Variants in TMCO6 observed in about 807,000 individuals in gnomAD.
TMCO6 encodes the protein transmembrane and coiled-coil domain-containing protein 6.
A neutral mutation model predicts 61.8 loss-of-function variants in TMCO6; 47 were observed. The observed-to-expected ratio is 0.76, with a 90% CI of 0.60 to 0.97. TMCO6 has a LOEUF of 0.97. Among genes scored for constraint, TMCO6 ranks in the 50% least tolerant of loss-of-function variants. The probability of loss-of-function intolerance (pLI) is 0.00; values close to 1 mark genes in which losing one functional copy is unlikely to be tolerated. For synonymous variants in TMCO6, 261 were observed against 254.2 expected, an observed-to-expected ratio of 1.03 and a Z score of -0.25; for missense variants, 557 against 601.6, an observed-to-expected ratio of 0.93 and a Z score of 0.78.
At chr5:140,623,276 A>G in the TMCO6 span, among the ~76,000 whole-genome samples, 4 of 152,354 alleles carry the variant, frequency 2.6e-5, no homozygotes, top group East Asian at 7.7e-4. Flanking sequence ...AAGTCACTAG[A>G]CAGATAAACT....
At chr5:140,634,455 C>T (rs907561962), upstream of TMCO6, among the ~76,000 whole-genome samples, 2 of 151,472 alleles carry the variant, frequency 1.3e-5, no homozygotes, top group Non-Finnish European at 1.5e-5. Flanking sequence ...CATCCCTAGA[C>T]CTCTGGGGAA....
At chr5:140,632,624 T>C in the TMCO6 span, 1 of 1,613,830 alleles carries the variant, frequency 6.2e-7, no homozygotes, top group Non-Finnish European at 8.5e-7. This position sits in a 1 kb window ranked among gnomAD's most constrained non-coding sequence, Gnocchi z 6.2. Flanking sequence ...CGAGCGTCAG[T>C]TCCTTGAGGC....
At chr5:140,618,557 T>A in the TMCO6 span, among the ~76,000 whole-genome samples, 1 of 152,090 alleles carries the variant, frequency 6.6e-6, no homozygotes, top group Non-Finnish European at 1.5e-5. Flanking sequence ...GGTAAACAAG[T>A]GTCATGGGGG....
the TMCO6 span, among the ~76,000 whole-genome samples, chr5:140,610,151 C>A: frequency 7.1e-6 from 1 of 141,732 alleles, no homozygotes; most frequent in Non-Finnish European, 1.5e-5. Context: ...GAGTTTGAGA[C>A]CAGCCTGGGC....
intron 6 of TMCO6, 37 bp downstream of exon 6, chr5:140,642,708 G>T: frequency 6.2e-7 from 1 of 1,607,464 alleles, no homozygotes; most frequent in South Asian, 1.1e-5. Flanking sequence ...AGCCAGAGGT[G>T]ACCCACTCAG....
chr5:140,632,362 C>T, the TMCO6 span: 2 of 1,614,146 alleles, frequency 1.2e-6, no homozygotes, highest in Non-Finnish European at 1.7e-6. The surrounding 1 kb of genome is among the most constrained non-coding windows in gnomAD (Gnocchi z 6.2). Flanking sequence ...CCGCGTTCGC[C>T]CAGTCCAGGA....
the TMCO6 span, among the ~76,000 whole-genome samples, chr5:140,610,293 G>A: frequency 6.6e-6 from 1 of 151,586 alleles, no homozygotes; most frequent in Admixed American, 6.6e-5. Flanking sequence ...GGAGATGGAG[G>A]TTGCAGTGAG....
the TMCO6 span, among the ~76,000 whole-genome samples, chr5:140,612,182 G>A: frequency 3.3e-5 from 5 of 152,158 alleles, no homozygotes; most frequent in African/African-American, 1.2e-4. Flanking sequence ...TCAGCATAAA[G>A]TCTGTCACAT....
In TMCO6 at chr5:140,643,919, A is replaced by G; in HGVS notation, c.1058A>G (p.Gln353Arg). 1.2e-6 allele frequency: 2 copies of G among 1,614,230 alleles called. No individual in the cohort carries two copies. Among genetic ancestry groups the G allele is most frequent in the Non-Finnish European group, 1.7e-6 (2 of 1,180,036 alleles). Residue 353 changes from glutamine to arginine, a missense_variant, in exon 9 of 12, where the codon CAG becomes CGG. Physicochemically the swap from Gln to Arg is conservative, Grantham distance 43. Transcript: ENST00000394671. The part of the protein sequence containing the change: ...FILLQFFFQK[Q>R]PSLLPEGLWL... ...CTTCTGCAGTTCTTTTTCCAGAAACAGCCCAGTCTGCTCCCTGAGGGCCTT... is the reference window on the plus strand; with the variant it reads ...CTTCTGCAGTTCTTTTTCCAGAAACGGCCCAGTCTGCTCCCTGAGGGCCTT...
the TMCO6 span, among the ~76,000 whole-genome samples, chr5:140,615,811 A>G: frequency 6.6e-6 from 1 of 152,238 alleles, no homozygotes; most frequent in Non-Finnish European, 1.5e-5. Flanking sequence ...TCAAATTGCT[A>G]TAAGAGCAAA....
chr5:140,605,402 A>G, the TMCO6 span, among the ~76,000 whole-genome samples: 1 of 152,120 alleles, frequency 6.6e-6, no homozygotes, highest in Non-Finnish European at 1.5e-5. Context: ...TCTTTAGGCC[A>G]GGTGTGGTGG....
chr5:140,632,598 G>A, the TMCO6 span: 1 of 1,613,986 alleles, frequency 6.2e-7, no homozygotes, highest in South Asian at 1.1e-5. This position sits in a 1 kb window ranked among gnomAD's most constrained non-coding sequence, Gnocchi z 6.2. Flanking sequence ...CATGGTGCCG[G>A]TTATCTTTAG....
the TMCO6 span, among the ~76,000 whole-genome samples, chr5:140,599,524 T>C: frequency 3.3e-5 from 5 of 152,238 alleles, no homozygotes; most frequent in Admixed American, 6.5e-5. Flanking sequence ...CCAAACAAGA[T>C]GCTGCACATT....
At chr5:140,605,362 C>A in the TMCO6 span, among the ~76,000 whole-genome samples, 1 of 151,878 alleles carries the variant, frequency 6.6e-6, no homozygotes, top group Non-Finnish European at 1.5e-5. Flanking sequence ...ACTTCTGGTA[C>A]GGTAGTAAAT....
the TMCO6 span, chr5:140,609,244 C>T: frequency 3.7e-5 from 6 of 163,586 alleles, no homozygotes; most frequent in South Asian, 3.0e-4. Flanking sequence ...TTGCCCCAAA[C>T]GAGCGGCATG....
the TMCO6 span, among the ~76,000 whole-genome samples, chr5:140,625,905 C>G: frequency 6.6e-6 from 1 of 152,106 alleles, no homozygotes. Flanking sequence ...GAGTTGCTGA[C>G]CATGTCTCCC....
chr5:140,632,603 C>A, the TMCO6 span: 1 of 1,613,848 alleles, frequency 6.2e-7, no homozygotes, highest in Admixed American at 1.7e-5. The surrounding 1 kb of genome is among the most constrained non-coding windows in gnomAD (Gnocchi z 6.2). Context: ...TGCCGGTTAT[C>A]TTTAGGTCCT....
the TMCO6 span, among the ~76,000 whole-genome samples, chr5:140,607,298 C>T: frequency 2.0e-5 from 3 of 152,138 alleles, no homozygotes; most frequent in Non-Finnish European, 2.9e-5. Flanking sequence ...ACAATATTTG[C>T]CTTTTTGTGT....
chr5:140,622,096 C>T, the TMCO6 span, among the ~76,000 whole-genome samples: 1 of 152,134 alleles, frequency 6.6e-6, no homozygotes, highest in Non-Finnish European at 1.5e-5. Context: ...CACACCTATT[C>T]GCACACTCCC....
Sources: gnomAD v4.1 joint callset for allele counts (sites outside exome capture counted in the v4.1 genomes callset) on GRCh38, gnomAD v4.1.1 for gene constraint, Gnocchi (gnomAD v3.1) non-coding constraint, MANE v1.5 for transcripts, NCBI Gene and HGNC (gene_info 2026-07-23, HGNC 2026-07-21) for gene names.